The following GSX1 variants were observed in gnomAD, a reference collection of about 807,000 sequenced individuals.
GSX1 encodes GS homeobox 1, also known as GS homeo box protein 1.
Under a neutral mutation model 17.7 loss-of-function variants are expected in GSX1, and 13 were observed. The ratio of observed to expected loss-of-function variants is 0.74; its 90% CI spans 0.48 to 1.17. The LOEUF is 1.17. Ranked by LOEUF, GSX1 falls within the 50% of genes most tolerant of loss-of-function variation. The pLI, the probability that GSX1 is intolerant of heterozygous loss-of-function variation, is 0.00. For synonymous variants in GSX1, 202 were observed against 176.2 expected (o/e 1.15, Z -1.16); for missense variants, 371 against 372.1 (o/e 1.00, Z 0.02).
Position 27,793,551 on chromosome 13 carries a change from C to T in GSX1, c.413-15C>T. The T allele has an allele frequency of 6.2e-7, 1 of 1,600,270 alleles. No individual in the cohort carries two copies. The highest frequency in any genetic ancestry group is 8.5e-7 in the Non-Finnish European group (1 of 1,174,594). Reference sequence around the variant, plus strand: ...AGAGGTCTGATCGCTTCCTTCTCTGCTCTGCCACCTCCAGACAGCAGCTCT... The same window carrying T: ...AGAGGTCTGATCGCTTCCTTCTCTGTTCTGCCACCTCCAGACAGCAGCTCT... On this transcript the variant is annotated splice_polypyrimidine_tract_variant and intron_variant, in intron 1 of 1. Transcript: ENST00000302945. The surrounding 1 kb of genome is among the most constrained non-coding windows in gnomAD (Gnocchi z 6.2).
chr13:27,794,066 G>A lies in GSX1; in HGVS notation c.*118G>A. 1.7e-6 allele frequency: 2 copies of A among 1,169,756 alleles called. No homozygotes were observed. The highest frequency in any genetic ancestry group is 1.2e-6 in the Non-Finnish European group (1 of 846,064). 72.5% of individuals were successfully genotyped at this position (1,169,756 alleles called of 1,614,324 possible). A position where few individuals can be genotyped will look rare whatever the true frequency, so the allele number is the denominator to read the frequency against. ...CAAACCACTGCCTGGCATGGATTTG[G>A]CACTGCTTTGCAGAGGTCCCGGGCC... On this transcript the variant is annotated 3_prime_UTR_variant, in exon 2 of 2. Transcript: ENST00000302945.
Position 27,792,891 on chromosome 13 carries a change from G to T in GSX1, c.201G>T (p.Leu67=), listed in dbSNP as rs1344362271. 3 of 1,524,866 alleles carry T rather than the reference G, an allele frequency of 2.0e-6. No homozygotes were observed. The highest frequency in any genetic ancestry group is 2.6e-6 in the Non-Finnish European group (3 of 1,141,352). 94.5% of individuals were successfully genotyped at this position (1,524,866 alleles called of 1,614,324 possible). Residue 67 remains leucine (L), a synonymous_variant, in exon 1 of 2, where the codon CTG becomes CTT. Transcript: ENST00000302945. The part of the protein sequence containing the change: ...VCPLCVTASQ[L]HGPPGPPALP... ...CGCTCTGCGTCACCGCCTCGCAGCT[G>T]CATGGGCCCCCCGGGCCGCCCGCGC...
Position 27,792,969 on chromosome 13 carries a change from G to T in GSX1, c.279G>T (p.Ala93=), listed in dbSNP as rs935975280. The change falls in exon 1 of 2, where the codon GCG becomes GCT. Residue 93 remains alanine, a synonymous_variant. Coordinates refer to ENST00000302945, the MANE Select transcript of GSX1 (RefSeq NM_145657.3). ...FPPFGSQYCH[A]PLGRQHSAVS... ...CCTTCGGCTCGCAGTACTGCCACGC[G>T]CCCCTGGGCCGCCAGCACTCTGCTG... 1.3e-6 allele frequency: 2 copies of T among 1,549,068 alleles called. No homozygotes were observed. The highest frequency in any genetic ancestry group is 1.9e-5 in the Admixed American group (1 of 52,270).
In GSX1 at chr13:27,794,145, G is replaced by T; in HGVS notation, c.*197G>T. The stretch of plus-strand genomic sequence containing the variant: ...TGGACCATGGCGTCCCCGCCCCAGG[G>T]CTCGCTCGTGTCCAAAGCCAACTCC... On this transcript the variant is annotated 3_prime_UTR_variant, in exon 2 of 2. Coordinates refer to ENST00000302945, the MANE Select transcript of GSX1 (RefSeq NM_145657.3). 1.6e-6 allele frequency: 1 copy of T among 613,476 alleles called. No homozygotes were observed. The highest frequency in any genetic ancestry group is 2.7e-6 in the Non-Finnish European group (1 of 367,064). 38.0% of individuals were successfully genotyped at this position (613,476 alleles called of 1,614,324 possible). A position where few individuals can be genotyped will look rare whatever the true frequency, so the allele number is the denominator to read the frequency against.
In GSX1 at chr13:27,793,477, A is replaced by C; in HGVS notation, c.413-89A>C. On this transcript the variant is annotated intron_variant, in intron 1 of 1. Coordinates refer to ENST00000302945, the MANE Select transcript of GSX1 (RefSeq NM_145657.3). This position sits in a 1 kb window ranked among gnomAD's most constrained non-coding sequence, Gnocchi z 6.2. ...GGCGAAGAGATGGGTAAGAGGTCAA[A>C]GTCGTAGGATTCTGGCGACCGCCTA... The C allele has an allele frequency of 7.5e-7, 1 of 1,326,270 alleles. No homozygotes were observed. Among genetic ancestry groups the C allele is most frequent in the Non-Finnish European group, 1.0e-6 (1 of 966,416 alleles). 82.2% of individuals were successfully genotyped at this position (1,326,270 alleles called of 1,614,324 possible). A position where few individuals can be genotyped will look rare whatever the true frequency, so the allele number is the denominator to read the frequency against.
At position 27,792,705 on chromosome 13, in the gene GSX1, C is replaced by A; in HGVS notation, c.15C>A (p.Phe5Leu). 2 of 1,438,526 alleles carry A rather than the reference C, an allele frequency of 1.4e-6. No homozygotes were observed. The highest frequency in any genetic ancestry group is 1.8e-6 in the Non-Finnish European group (2 of 1,105,096). 89.1% of individuals were successfully genotyped at this position (1,438,526 alleles called of 1,614,324 possible). The change falls in exon 1 of 2, where the codon TTC becomes TTA. Residue 5 changes from phenylalanine (F) to leucine (L), a missense_variant. This residue lies in a region of GSX1 where 212 missense variants were observed against 193.9 expected (regional missense o/e 1.09). Transcript: ENST00000302945. ...GCGCCGGGGCCATGCCGCGCTCCTT[C>A]CTGGTGGACTCGCTAGTGCTGCGCG... MPRS[F>L]LVDSLVLREA...
Position 27,793,950 on chromosome 13 carries a change from C to A in GSX1, c.*2C>A, listed in dbSNP as rs771549436. 12 of 1,545,458 alleles carry A rather than the reference C, an allele frequency of 7.8e-6. No individual in the cohort carries two copies. Among genetic ancestry groups the A allele is most frequent in the Middle Eastern group, 3.8e-4 (2 of 5,250 alleles). On this transcript the variant is annotated 3_prime_UTR_variant, in exon 2 of 2. Transcript: ENST00000302945. The surrounding 1 kb of genome is among the most constrained non-coding windows in gnomAD (Gnocchi z 6.2). ...CGGGATCTTACGGTCACTCCCTAGG[C>A]GCGTGTCTCCCTAGGTCGCCCACCC...
In GSX1 at chr13:27,793,057, T is replaced by G. The variant is rs1957076902; in HGVS notation, c.367T>G (p.Ser123Ala). ...TGCTGCCGCCGCGCTCTACCAGACC[T>G]CCTACCCGCTGCCTGACCCCAGGCA... The part of the protein sequence containing the change: ...AAAAAALYQT[S>A]YPLPDPRQFH... Residue 123 changes from serine (S) to alanine (A), a missense_variant, in exon 1 of 2, where the codon TCC becomes GCC. By Grantham distance (99) the Ser-to-Ala change is moderately conservative (BLOSUM62 1). Around this residue, in one of 3 missense-constraint regions of GSX1, gnomAD observed 212 missense variants for 193.9 expected, o/e 1.09. Coordinates refer to ENST00000302945, the MANE Select transcript of GSX1 (RefSeq NM_145657.3). The surrounding 1 kb of genome is among the most constrained non-coding windows in gnomAD (Gnocchi z 6.2). 4 of 1,582,246 alleles carry G rather than the reference T, an allele frequency of 2.5e-6. No homozygotes were observed. In the African/African-American group the frequency reaches 4.0e-5, roughly 16 times the overall value.
In GSX1 at chr13:27,793,853, C is replaced by A. The variant is rs200388174; in HGVS notation, c.700C>A (p.Leu234Ile). 1.3e-4 allele frequency: 203 copies of A among 1,609,460 alleles called. 1 individual carries two copies. In the East Asian group the frequency reaches 4.4e-3, roughly 35 times the overall value. Residue 234 changes from leucine to isoleucine, a missense_variant, in exon 2 of 2, where the codon CTC becomes ATC. By Grantham distance (5) the Leu-to-Ile change is conservative. Transcript: ENST00000302945. This position sits in a 1 kb window ranked among gnomAD's most constrained non-coding sequence, Gnocchi z 6.2. ...SAPQGCKCAS[L>I]SSAKCSEDDD... ...ACCGCAAGGCTGCAAGTGCGCATCGCTCTCCTCAGCCAAGTGCTCCGAGGA... is the reference window on the plus strand; with the variant it reads ...ACCGCAAGGCTGCAAGTGCGCATCGATCTCCTCAGCCAAGTGCTCCGAGGA...
Position 27,793,501 on chromosome 13 carries a change from T to C in GSX1, c.413-65T>C. ...AAGTCGTAGGATTCTGGCGACCGCC[T>C]ACCAAGGGATTGGGTCCACAGCACA... On this transcript the variant is annotated intron_variant, in intron 1 of 1. Coordinates refer to ENST00000302945, the MANE Select transcript of GSX1 (RefSeq NM_145657.3). This position sits in a 1 kb window ranked among gnomAD's most constrained non-coding sequence, Gnocchi z 6.2. 1 of 1,509,632 alleles carries C rather than the reference T, an allele frequency of 6.6e-7. No individual in the cohort carries two copies. Among genetic ancestry groups the C allele is most frequent in the South Asian group, 1.3e-5 (1 of 78,202 alleles). The allele number at this position is 1,509,632 out of a possible 1,614,324, so 93.5% of individuals were successfully genotyped here. A position where few individuals can be genotyped will look rare whatever the true frequency, so the allele number is the denominator to read the frequency against.
chr13:27,792,897 G>C lies in GSX1; in HGVS notation c.207G>C (p.Gly69=), dbSNP rs1957075387. Residue 69 remains glycine, a synonymous_variant, in exon 1 of 2, where the codon GGG becomes GGC. Transcript: ENST00000302945. The stretch of plus-strand genomic sequence containing the variant: ...GCGTCACCGCCTCGCAGCTGCATGG[G>C]CCCCCCGGGCCGCCCGCGCTGCCTC... ...PLCVTASQLH[G]PPGPPALPLL... The C allele has an allele frequency of 6.6e-7, 1 of 1,525,006 alleles. No individual in the cohort carries two copies. The highest frequency in any genetic ancestry group is 1.4e-5 in the African/African-American group (1 of 71,500). 94.5% of individuals were successfully genotyped at this position (1,525,006 alleles called of 1,614,324 possible).
Position 27,793,903 on chromosome 13 carries a change from GT to G in GSX1, c.751del (p.Ser251ProfsTer20). ...ATGACGACGAATTGCCCATGTCTCC[GT>G]CCTCCTCAGGGAAGGACGACCGGGA... ...EDDDELPMSP[S>X]SSGKDDRDLT... On this transcript the variant is annotated frameshift_variant, in exon 2 of 2. Transcript: ENST00000302945. LOFTEE classifies it high-confidence loss of function. This position sits in a 1 kb window ranked among gnomAD's most constrained non-coding sequence, Gnocchi z 6.2. 4 of 1,577,914 alleles carry G rather than the reference GT, an allele frequency of 2.5e-6. No homozygotes were observed. Among genetic ancestry groups the G allele is most frequent in the Non-Finnish European group, 3.4e-6 (4 of 1,160,150 alleles).
Position 27,792,659 on chromosome 13 carries a change from G to T in GSX1, c.-32G>T. On this transcript the variant is annotated 5_prime_UTR_variant, in exon 1 of 2. Coordinates refer to ENST00000302945, the MANE Select transcript of GSX1 (RefSeq NM_145657.3). ...AAAGGTGCGGTGGGCGCAGAGGGCG[G>T]GCTGGCTGCGGGGCGACCGCGCGCC... 2.2e-6 allele frequency: 3 copies of T among 1,349,406 alleles called. No individual in the cohort carries two copies. Among genetic ancestry groups the T allele is most frequent in the Non-Finnish European group, 1.9e-6 (2 of 1,058,070 alleles). 83.6% of individuals were successfully genotyped at this position (1,349,406 alleles called of 1,614,324 possible).
Position 27,793,896 on chromosome 13 carries a change from T to C in GSX1, c.743T>C (p.Met248Thr), listed in dbSNP as rs751374189. 4 of 1,583,576 alleles carry C rather than the reference T, an allele frequency of 2.5e-6. No homozygotes were observed. Among genetic ancestry groups the C allele is most frequent in the Non-Finnish European group, 3.4e-6 (4 of 1,163,174 alleles). The change falls in exon 2 of 2, where the codon ATG (methionine) becomes ACG (threonine). Residue 248 changes from methionine to threonine, a missense_variant. Physicochemically the swap from Met to Thr is moderately conservative, Grantham distance 81 (BLOSUM62 -1). This residue lies in a region of GSX1 where 92 missense variants were observed against 70.0 expected (regional missense o/e 1.31). Transcript: ENST00000302945. The surrounding 1 kb of genome is among the most constrained non-coding windows in gnomAD (Gnocchi z 6.2). ...KCSEDDDELP[M>T]SPSSSGKDDR... is the part of the protein sequence containing the mutation. The stretch of plus-strand genomic sequence containing the variant: ...TCCGAGGATGACGACGAATTGCCCA[T>C]GTCTCCGTCCTCCTCAGGGAAGGAC...
At position 27,793,637 on chromosome 13, in the gene GSX1, C is replaced by A; in HGVS notation, c.484C>A (p.Leu162Met). The A allele has an allele frequency of 6.2e-7, 1 of 1,614,200 alleles. No homozygotes were observed. The highest frequency in any genetic ancestry group is 8.5e-7 in the Non-Finnish European group (1 of 1,180,030). ...TAFTSTQLLE[L>M]EREFASNMYL... is the part of the protein sequence containing the mutation. ...TTTCACCAGCACGCAGCTGCTAGAG[C>A]TGGAGCGCGAGTTCGCTTCTAATAT... Residue 162 changes from leucine (L) to methionine (M), a missense_variant, in exon 2 of 2, where the codon CTG becomes ATG. By Grantham distance (15) the Leu-to-Met change is conservative. Around this residue, in one of 3 missense-constraint regions of GSX1, gnomAD observed 67 missense variants for 108.1 expected, o/e 0.62. Coordinates refer to ENST00000302945, the MANE Select transcript of GSX1 (RefSeq NM_145657.3). This position sits in a 1 kb window ranked among gnomAD's most constrained non-coding sequence, Gnocchi z 6.2.
At position 27,793,076 on chromosome 13, in the gene GSX1, C is replaced by G. The variant is rs768446658; in HGVS notation, c.386C>G (p.Pro129Arg). 8.1e-5 allele frequency: 128 copies of G among 1,570,728 alleles called. No individual in the cohort carries two copies. Among genetic ancestry groups the G allele is most frequent in the Non-Finnish European group, 1.0e-4 (119 of 1,165,370 alleles). Residue 129 changes from proline (P) to arginine (R), a missense_variant, in exon 1 of 2, where the codon CCC (proline) becomes CGC (arginine). Pro to Arg is a moderately radical substitution (Grantham distance 103). Transcript: ENST00000302945. This position sits in a 1 kb window ranked among gnomAD's most constrained non-coding sequence, Gnocchi z 6.2. ...CAGACCTCCTACCCGCTGCCTGACCCCAGGCAGTTCCACTGCATCTCTGTG... is the reference window on the plus strand; with the variant it reads ...CAGACCTCCTACCCGCTGCCTGACCGCAGGCAGTTCCACTGCATCTCTGTG... ...LYQTSYPLPD[P>R]RQFHCISVDS...
rs1231058 is a variant in GSX1, at chr13:27,792,924, A to G, written c.234A>G (p.Leu78=). Residue 78 remains leucine (L), a synonymous_variant, in exon 1 of 2, where the codon CTA becomes CTG. Coordinates refer to ENST00000302945, the MANE Select transcript of GSX1 (RefSeq NM_145657.3). The part of the protein sequence containing the change: ...HGPPGPPALP[L]LKASFPPFGS... The stretch of plus-strand genomic sequence containing the variant: ...CCCCCGGGCCGCCCGCGCTGCCTCT[A>G]CTCAAGGCTTCCTTCCCACCCTTCG... 1,227,054 of 1,534,340 alleles carry G rather than the reference A, an allele frequency of 0.8. 493,643 individuals carry two copies. The highest frequency in any genetic ancestry group is 1 in the East Asian group (40,701 of 40,730).
rs1957071889 is a variant in GSX1 at position 27,792,508 on chromosome 13, CG to C, written c.-182del. On this transcript the variant is annotated 5_prime_UTR_variant, in exon 1 of 2. Coordinates refer to ENST00000302945, the MANE Select transcript of GSX1 (RefSeq NM_145657.3). ...ACCACTAGCGCTGGCCAGCACCCCG[CG>C]CTCTTTGGGCGGTGCCCACGGCAGC... is the stretch of plus-strand genomic sequence containing the variant. 1.9e-6 allele frequency: 1 copy of C among 531,636 alleles called. No homozygotes were observed. The highest frequency in any genetic ancestry group is 2.0e-5 in the African/African-American group (1 of 49,840). 32.9% of individuals were successfully genotyped at this position (531,636 alleles called of 1,614,324 possible).
In GSX1 at chr13:27,792,697, C is replaced by T; in HGVS notation, c.7C>T (p.Arg3Cys). 1 of 1,405,232 alleles carries T rather than the reference C, an allele frequency of 7.1e-7. No individual in the cohort carries two copies. The highest frequency in any genetic ancestry group is 9.2e-7 in the Non-Finnish European group (1 of 1,088,112). The allele number at this position is 1,405,232 out of a possible 1,614,324, so 87.0% of individuals were successfully genotyped here. A position where few individuals can be genotyped will look rare whatever the true frequency, so the allele number is the denominator to read the frequency against. MP[R>C]SFLVDSLVLR... ...GCGACCGCGCGCCGGGGCCATGCCG[C>T]GCTCCTTCCTGGTGGACTCGCTAGT... The change falls in exon 1 of 2, where the codon CGC (arginine) becomes TGC (cysteine). Residue 3 changes from arginine (R) to cysteine (C), a missense_variant. By Grantham distance (180) the Arg-to-Cys change is radical (BLOSUM62 -3). This residue lies in a region of GSX1 where 212 missense variants were observed against 193.9 expected (regional missense o/e 1.09). Transcript: ENST00000302945.
Sources: allele counts gnomAD v4.1 joint callset, GRCh38; gene constraint gnomAD v4.1.1; regional missense constraint gnomAD v4.1.1; non-coding constraint Gnocchi (gnomAD v3.1); transcripts MANE v1.5; gene names NCBI Gene and HGNC (gene_info 2026-07-23, HGNC 2026-07-21).